Variants in HS3ST4 observed in about 807,000 individuals in gnomAD.
The protein encoded by HS3ST4 is heparan sulfate glucosamine 3-O-sulfotransferase 4.
In HS3ST4, 17 loss-of-function variants were observed where a neutral mutation model predicts 29.2. The ratio of observed to expected loss-of-function variants is 0.58; its 90% CI spans 0.40 to 0.87. The LOEUF (loss-of-function observed/expected upper bound fraction) is 0.87. HS3ST4 is among the 40% of genes least tolerant of loss of function. HS3ST4 has a pLI of 0.00. For synonymous variants in HS3ST4, 314 were observed against 285.7 expected (o/e 1.10, Z -1.00); for missense variants, 627 against 634.5 (o/e 0.99, Z 0.13).
intron 1 of HS3ST4, among the ~76,000 whole-genome samples, chr16:25,958,654 G>A (rs1968761028): frequency 6.6e-6 from 1 of 152,102 alleles, no homozygotes; most frequent in African/African-American, 2.4e-5. Flanking sequence ...TTTGTTCTAT[G>A]TAGTGTCAAT....
chr16:26,001,374 G>T (rs1472377210), intron 1 of HS3ST4, among the ~76,000 whole-genome samples: 1 of 152,114 alleles, frequency 6.6e-6, no homozygotes, highest in Non-Finnish European at 1.5e-5. Context: ...AAAGTATTTT[G>T]CTTTAATGAA....
rs376631240 is a variant in HS3ST4, at chr16:26,106,333, G to A, written c.735-29279G>A. On this transcript the variant is annotated intron_variant, in intron 1 of 1. Transcript: ENST00000331351. Reference sequence around the variant, plus strand: ...AGTACTTGTCCACCCACCCTACTCCGTACGGCCCAAGGTGACTTCTCTATA... The same window carrying A: ...AGTACTTGTCCACCCACCCTACTCCATACGGCCCAAGGTGACTTCTCTATA... Among the ~76,000 whole-genome samples the A allele has an allele frequency of 3.3e-5, 5 of 152,144 alleles. No homozygotes were observed. In the East Asian group the frequency reaches 5.8e-4, roughly 18 times the overall value.
intron 1 of HS3ST4, among the ~76,000 whole-genome samples, chr16:25,982,750 A>G (rs1464981583): frequency 6.6e-6 from 1 of 152,060 alleles, no homozygotes; most frequent in African/African-American, 2.4e-5. Flanking sequence ...GGATCACTTG[A>G]GGCCAGGATT....
intron 1 of HS3ST4, among the ~76,000 whole-genome samples, chr16:25,984,877 A>G (rs1191312286): frequency 1.3e-5 from 2 of 152,220 alleles, no homozygotes; most frequent in African/African-American, 4.8e-5. Flanking sequence ...TTCATAAAGA[A>G]CTGTCGCAGC....
intron 1 of HS3ST4, among the ~76,000 whole-genome samples, chr16:26,039,627 C>T (rs1289049721): frequency 6.6e-6 from 1 of 152,006 alleles, no homozygotes; most frequent in African/African-American, 2.4e-5. Flanking sequence ...ATGAAATATA[C>T]AATTAAGTTA....
At chr16:25,825,707 C>T (rs1277514936) in intron 1 of HS3ST4, 1 of 152,198 alleles carries the variant, frequency 6.6e-6, no homozygotes, top group East Asian at 1.9e-4. Flanking sequence ...CTTATTCAGG[C>T]TCTGGATGTC....
chr16:26,135,959 T>C lies in HS3ST4; in HGVS notation c.1082T>C (p.Ile361Thr). ...CTCTTTGTCAGTGGTGAGCGACTCA[T>C]TGTGGACCCCGCCGGGGAAATGGCC... Reference protein sequence around the residue: ...QILFVSGERLIVDPAGEMAKV... With the variant: ...QILFVSGERLTVDPAGEMAKV... Residue 361 changes from isoleucine (I) to threonine (T), a missense_variant, in exon 2 of 2, where the codon ATT becomes ACT. By Grantham distance (89) the Ile-to-Thr change is moderately conservative. Around this residue, in one of 2 missense-constraint regions of HS3ST4, gnomAD observed 225 missense variants for 293.7 expected, o/e 0.77. Transcript: ENST00000331351. 1 of 1,613,990 alleles carries C rather than the reference T, an allele frequency of 6.2e-7. No individual in the cohort carries two copies.
chr16:25,732,840 C>T (rs150713997), intron 1 of HS3ST4, among the ~76,000 whole-genome samples: 2 of 152,150 alleles, frequency 1.3e-5, no homozygotes, highest in African/African-American at 4.8e-5. Flanking sequence ...GTCGCCCAAT[C>T]GGTCGCAATA....
intron 1 of HS3ST4, among the ~76,000 whole-genome samples, chr16:25,696,021 G>A (rs927724764): frequency 6.6e-6 from 1 of 152,094 alleles, no homozygotes; most frequent in Non-Finnish European, 1.5e-5. Context: ...CTCTAAATCC[G>A]GGTTTTGCTT....
chr16:25,777,255 A>G (rs1449563644), intron 1 of HS3ST4, among the ~76,000 whole-genome samples: 5 of 152,098 alleles, frequency 3.3e-5, no homozygotes, highest in Non-Finnish European at 5.9e-5. Flanking sequence ...TGTTTTTCTA[A>G]ACTTCTGCTT....
At chr16:26,067,057 G>C (rs1297686820) in intron 1 of HS3ST4, among the ~76,000 whole-genome samples, 1 of 152,192 alleles carries the variant, frequency 6.6e-6, no homozygotes, top group African/African-American at 2.4e-5. Flanking sequence ...GAATTTGACA[G>C]GTAGAGGGGA....
At chr16:25,961,606 C>A (rs1596627577) in intron 1 of HS3ST4, among the ~76,000 whole-genome samples, 1 of 152,238 alleles carries the variant, frequency 6.6e-6, no homozygotes, top group African/African-American at 2.4e-5. Context: ...AGAGTGGGTT[C>A]CTTACTTGCA....
At chr16:25,878,491 C>T (rs1249148341) in intron 1 of HS3ST4, among the ~76,000 whole-genome samples, 1 of 152,116 alleles carries the variant, frequency 6.6e-6, no homozygotes, top group South Asian at 2.1e-4. Flanking sequence ...ACCTCCATTG[C>T]TCTAGAATTC....
intron 1 of HS3ST4, among the ~76,000 whole-genome samples, chr16:25,945,413 G>C (rs1183913170): frequency 1.3e-5 from 2 of 152,002 alleles, no homozygotes; most frequent in Non-Finnish European, 1.5e-5. Context: ...TACTAAATTT[G>C]GTTCCCAGGC....
At chr16:25,862,355 G>A (rs6650561) in intron 1 of HS3ST4, among the ~76,000 whole-genome samples, 23,327 of 151,966 alleles carry the variant, frequency 0.15, 1,889 homozygotes, top group East Asian at 0.25. Flanking sequence ...TCCATGCCTG[G>A]CTAATTTTTG....
intron 1 of HS3ST4, among the ~76,000 whole-genome samples, chr16:26,066,345 A>T (rs1898542097): frequency 6.6e-6 from 1 of 152,208 alleles, no homozygotes; most frequent in South Asian, 2.1e-4. Flanking sequence ...AAGAGGTGGG[A>T]GGAACGGTAT....
chr16:25,904,929 A>G (rs997462828), intron 1 of HS3ST4, among the ~76,000 whole-genome samples: 1 of 152,188 alleles, frequency 6.6e-6, no homozygotes, highest in Non-Finnish European at 1.5e-5. Context: ...AAATTTCCTC[A>G]TATGTGAATT....
intron 1 of HS3ST4, among the ~76,000 whole-genome samples, chr16:25,878,928 G>A (rs4438311): frequency 0.74 from 112,946 of 152,082 alleles, 42,481 homozygotes; most frequent in African/African-American, 0.86. Flanking sequence ...TGGGCTCTCA[G>A]AAGGGCTAAA....
chr16:25,896,727 G>T (rs557457752), intron 1 of HS3ST4, among the ~76,000 whole-genome samples: 3 of 152,280 alleles, frequency 2.0e-5, no homozygotes, highest in African/African-American at 7.2e-5. Context: ...CAATAGCAAA[G>T]ACATGGAATT....
Sources: allele counts gnomAD v4.1 joint callset (sites outside exome capture counted in the v4.1 genomes callset), GRCh38; gene constraint gnomAD v4.1.1; regional missense constraint gnomAD v4.1.1; transcripts MANE v1.5; gene names NCBI Gene and HGNC (gene_info 2026-07-23, HGNC 2026-07-21).